The following CDKN2B-AS1 variants were observed in gnomAD, a reference collection of about 807,000 sequenced individuals.
The protein encoded by CDKN2B-AS1 is CDKN2B and CDKN2A antisense cis and trans regulatory RNA 1.
intron 1 of CDKN2B-AS1, among the ~76,000 whole-genome samples, chr9:22,007,491 T>A (rs1345952938): frequency 6.6e-6 from 1 of 152,242 alleles, no homozygotes; most frequent in African/African-American, 2.4e-5. Context: ...ATGAACATTA[T>A]GAAAACATTT....
intron 4 of CDKN2B-AS1, among the ~76,000 whole-genome samples, chr9:22,071,307 T>TAGAC (rs1824282698): frequency 8.7e-6 from 1 of 115,196 alleles, no homozygotes; most frequent in Admixed American, 1.0e-4. Context: ...TTTTTTTTTT[T>TAGAC]TTTTTTTTTA....
At chr9:22,035,900 G>C (rs188225680) in intron 1 of CDKN2B-AS1, among the ~76,000 whole-genome samples, 1 of 152,124 alleles carries the variant, frequency 6.6e-6, no homozygotes, top group Non-Finnish European at 1.5e-5. Flanking sequence ...TTGACTAAAG[G>C]AGAATTGCAT....
chr9:22,040,376 A>G (rs1273738359), intron 1 of CDKN2B-AS1, among the ~76,000 whole-genome samples: 1 of 152,030 alleles, frequency 6.6e-6, no homozygotes, highest in African/African-American at 2.4e-5. Context: ...CCAGTGTTTG[A>G]ACACAAATCA....
chr9:22,086,790 A>G (rs1026551573), intron 4 of CDKN2B-AS1, among the ~76,000 whole-genome samples: 7 of 152,158 alleles, frequency 4.6e-5, no homozygotes, highest in Admixed American at 3.9e-4. Context: ...TTTATCTGGA[A>G]TCTTAATAAA....
rs1821110229 is a variant in CDKN2B-AS1 at position 22,005,197 on chromosome 9, C to T, written n.29+10036C>T. On this transcript the variant is annotated intron_variant and non_coding_transcript_variant, in intron 1 of 4. Coordinates refer to ENST00000650946, the Ensembl canonical transcript of CDKN2B-AS1. This position sits in a 1 kb window ranked among gnomAD's most constrained non-coding sequence, Gnocchi z 4.9. ...TTGCTCTCACTCCACTCCACCACCTCATCCTGTGTAGTCTGCCTGCGGAAC... is the reference window on the plus strand; with the variant it reads ...TTGCTCTCACTCCACTCCACCACCTTATCCTGTGTAGTCTGCCTGCGGAAC... 8.6e-6 allele frequency: 2 copies of T among 233,814 alleles called. No homozygotes were observed. The highest frequency in any genetic ancestry group is 1.7e-5 in the Non-Finnish European group (2 of 118,532). 14.5% of individuals were successfully genotyped at this position (233,814 alleles called of 1,614,324 possible). A position where few individuals can be genotyped will look rare whatever the true frequency, so the allele number is the denominator to read the frequency against.
Position 22,006,383 on chromosome 9 carries a change from T to A in CDKN2B-AS1, n.29+11222T>A. ...CACCCAGTGCAGAGGTGTTCAGGTCTCTGATGTCTGGTGTTTCTTCATTTG... is the reference window on the plus strand; with the variant it reads ...CACCCAGTGCAGAGGTGTTCAGGTCACTGATGTCTGGTGTTTCTTCATTTG... On this transcript the variant is annotated intron_variant and non_coding_transcript_variant, in intron 1 of 4. Coordinates refer to ENST00000650946, the Ensembl canonical transcript of CDKN2B-AS1. This position sits in a 1 kb window ranked among gnomAD's most constrained non-coding sequence, Gnocchi z 6.4. The A allele has an allele frequency of 8.4e-7, 1 of 1,190,670 alleles. No homozygotes were observed. Among genetic ancestry groups the A allele is most frequent in the Non-Finnish European group, 1.2e-6 (1 of 837,570 alleles). The allele number at this position is 1,190,670 out of a possible 1,614,324, so 73.8% of individuals were successfully genotyped here.
intron 4 of CDKN2B-AS1, chr9:22,119,192 T>A (rs1826037163): frequency 6.6e-6 from 1 of 152,106 alleles, no homozygotes; most frequent in Admixed American, 6.6e-5. Context: ...TATAGTACAC[T>A]GTGTCTGGCA....
intron 1 of CDKN2B-AS1, among the ~76,000 whole-genome samples, chr9:22,017,153 G>A (rs540678890): frequency 1.7e-4 from 26 of 152,096 alleles, no homozygotes; most frequent in Non-Finnish European, 2.9e-4. Context: ...TTGGCGAGGC[G>A]CAGTGGCTCA....
rs1587387820 is a variant in CDKN2B-AS1 at position 22,008,788 on chromosome 9, C to T, written n.29+13627C>T. The T allele has an allele frequency of 6.2e-7, 1 of 1,606,764 alleles. No individual in the cohort carries two copies. Among genetic ancestry groups the T allele is most frequent in the Non-Finnish European group, 8.5e-7 (1 of 1,176,394 alleles). ...GCCCCCTGCCGGCGAGGCCCTGGGG[C>T]CCCAGCTACCTGGATCGCGCGCCTC... is the stretch of plus-strand genomic sequence containing the variant. On this transcript the variant is annotated intron_variant and non_coding_transcript_variant, in intron 1 of 4. Coordinates refer to ENST00000650946, the Ensembl canonical transcript of CDKN2B-AS1.
At chr9:22,051,657 G>A (rs1290303906) in intron 3 of CDKN2B-AS1, among the ~76,000 whole-genome samples, 1 of 152,078 alleles carries the variant, frequency 6.6e-6, no homozygotes. Context: ...ATTCATATAG[G>A]AACTATGAAA....
chr9:22,055,454 T>TA (rs1823521117), intron 3 of CDKN2B-AS1, among the ~76,000 whole-genome samples: 1 of 152,218 alleles, frequency 6.6e-6, no homozygotes, highest in Admixed American at 6.5e-5. Flanking sequence ...GGAGAAAAAT[T>TA]AGTTTAAGTG....
chr9:22,090,944 G>C (rs1424098363), intron 4 of CDKN2B-AS1, among the ~76,000 whole-genome samples: 1 of 152,108 alleles, frequency 6.6e-6, no homozygotes, highest in Non-Finnish European at 1.5e-5. Flanking sequence ...TTCTTCTAGG[G>C]TTTTTATGGT....
At chr9:22,082,608 G>A (rs375337241) in intron 4 of CDKN2B-AS1, among the ~76,000 whole-genome samples, 24 of 152,224 alleles carry the variant, frequency 1.6e-4, no homozygotes, top group Admixed American at 6.5e-4. Context: ...TATTGCTATC[G>A]GAGCTTAAGC....
At chr9:22,096,960 C>T (rs1305693071) in intron 4 of CDKN2B-AS1, among the ~76,000 whole-genome samples, 2 of 152,108 alleles carry the variant, frequency 1.3e-5, no homozygotes, top group African/African-American at 4.8e-5. Flanking sequence ...TTTTTCTTTG[C>T]CTGCTGGATT....
chr9:22,003,516 T>C (rs1821020858), intron 1 of CDKN2B-AS1: 1 of 228,770 alleles, frequency 4.4e-6, no homozygotes, highest in Admixed American at 5.7e-5. Context: ...AGAGGTCAAA[T>C]TAAGGGATTT....
chr9:22,118,875 A>G (rs1278851708), intron 4 of CDKN2B-AS1: 2 of 152,132 alleles, frequency 1.3e-5, no homozygotes, highest in African/African-American at 4.8e-5. Flanking sequence ...GAACTGCTGA[A>G]TATAGGATTG....
intron 4 of CDKN2B-AS1, among the ~76,000 whole-genome samples, chr9:22,122,540 A>G (rs1270331530): frequency 6.6e-6 from 1 of 152,082 alleles, no homozygotes; most frequent in African/African-American, 2.4e-5. Context: ...TCTTACATTT[A>G]GGTTTTTGAT....
In CDKN2B-AS1 at chr9:22,005,983, G is replaced by A. The variant is rs1016209778; in HGVS notation, n.29+10822G>A. 2 of 1,601,280 alleles carry A rather than the reference G, an allele frequency of 1.2e-6. No individual in the cohort carries two copies. The highest frequency in any genetic ancestry group is 2.7e-5 in the African/African-American group (2 of 74,916). Reference sequence around the variant, plus strand: ...GTCGTTGTGGGCGGCTGGGGAACCTGGCGTCAGTCCCCCGTGGCTGTGCGC... The same window carrying A: ...GTCGTTGTGGGCGGCTGGGGAACCTAGCGTCAGTCCCCCGTGGCTGTGCGC... On this transcript the variant is annotated intron_variant and non_coding_transcript_variant, in intron 1 of 4. Coordinates refer to ENST00000650946, the Ensembl canonical transcript of CDKN2B-AS1. The surrounding 1 kb of genome is among the most constrained non-coding windows in gnomAD (Gnocchi z 4.9).
intron 1 of CDKN2B-AS1, chr9:22,004,611 T>G: frequency 4.3e-6 from 1 of 232,538 alleles, no homozygotes; most frequent in Non-Finnish European, 8.5e-6. Context: ...TATCAGTTGT[T>G]CCAATGATAT....
Sources: allele counts gnomAD v4.1 joint callset (sites outside exome capture counted in the v4.1 genomes callset), GRCh38; gene constraint gnomAD v4.1.1; non-coding constraint Gnocchi (gnomAD v3.1); transcripts MANE v1.5; gene names NCBI Gene and HGNC (gene_info 2026-07-23, HGNC 2026-07-21).